Variants in APBB1IP observed in about 807,000 individuals in gnomAD.
APBB1IP encodes amyloid beta precursor protein binding family B member 1 interacting protein.
In APBB1IP, 27 loss-of-function variants were observed where a neutral mutation model predicts 64.9. The ratio of observed to expected loss-of-function variants is 0.42; its 90% confidence interval spans 0.31 to 0.57. The LOEUF (loss-of-function observed/expected upper bound fraction) is 0.57, where lower values mean the gene tolerates loss of function less well. Among genes scored for constraint, APBB1IP ranks in the 20% least tolerant of loss-of-function variants. APBB1IP has a pLI of 0.20. For missense variants in APBB1IP, 812 were observed against 845.5 expected, an observed-to-expected ratio of 0.96 and a Z score of 0.49; for synonymous variants, 392 against 331.0, an observed-to-expected ratio of 1.18 and a Z score of -2.00.
At chr10:26,466,637 C>CA (rs1327903760) in intron 2 of APBB1IP, among the ~76,000 whole-genome samples, 1 of 152,054 alleles carries the variant, frequency 6.6e-6, no homozygotes, top group Non-Finnish European at 1.5e-5. Context: ...CTCGGCCCCA[C>CA]AAAAAATTTA....
intron 2 of APBB1IP, among the ~76,000 whole-genome samples, chr10:26,470,624 C>A (rs1485490349): frequency 6.6e-6 from 1 of 152,150 alleles, no homozygotes; most frequent in African/African-American, 2.4e-5. Flanking sequence ...TTAAGTTAGG[C>A]TATACTAAGC....
At chr10:26,516,563 T>TAAAAAAAAAAAAAA (rs1198670517) in intron 8 of APBB1IP, among the ~76,000 whole-genome samples, 149 of 53,180 alleles carry the variant, frequency 2.8e-3, no homozygotes, top group East Asian at 9.5e-3. Context: ...AAAAAAAAAG[T>TAAAAAAAAAAAAAA]AAAGCGGAAA....
chr10:26,472,039 C>T (rs1835723440), intron 2 of APBB1IP, among the ~76,000 whole-genome samples: 1 of 152,132 alleles, frequency 6.6e-6, no homozygotes, highest in South Asian at 2.1e-4. Context: ...TTACTAACAG[C>T]TCTAATCCTC....
intron 3 of APBB1IP, among the ~76,000 whole-genome samples, chr10:26,494,106 T>C (rs1337089670): frequency 1.3e-5 from 2 of 152,190 alleles, no homozygotes; most frequent in Non-Finnish European, 2.9e-5. Context: ...TGCTACATTT[T>C]AAAGAACTAA....
At position 26,555,496 on chromosome 10, in the gene APBB1IP, A is replaced by T. The variant is rs190732359; in HGVS notation, c.1156-4609A>T. On this transcript the variant is annotated intron_variant, in intron 11 of 14. Transcript: ENST00000376236. ...ACATACTATTTCATAATCACATTAC[A>T]TATGTGATTTGATTACATCAGGTGT... Among the ~76,000 whole-genome samples the T allele has an allele frequency of 3.3e-5, 5 of 152,274 alleles. No homozygotes were observed. In the East Asian group the frequency reaches 9.6e-4, roughly 29 times the overall value.
chr10:26,450,850 C>T (rs1835457669), intron 2 of APBB1IP, among the ~76,000 whole-genome samples: 1 of 152,090 alleles, frequency 6.6e-6, no homozygotes, highest in South Asian at 2.1e-4. Flanking sequence ...CATGTGCCAC[C>T]ACAGCTGGTT....
intron 2 of APBB1IP, among the ~76,000 whole-genome samples, chr10:26,469,182 A>G (rs1377783065): frequency 1.3e-5 from 2 of 151,488 alleles, no homozygotes; most frequent in African/African-American, 4.8e-5. Context: ...TACATTGTAT[A>G]GCTGTACAAA....
intron 2 of APBB1IP, among the ~76,000 whole-genome samples, chr10:26,468,017 T>G (rs900989881): frequency 2.6e-5 from 4 of 152,218 alleles, no homozygotes; most frequent in African/African-American, 9.7e-5. Flanking sequence ...CACCCATTAT[T>G]TTATGGAATC....
chr10:26,512,998 T>C (rs1414002503), intron 7 of APBB1IP, among the ~76,000 whole-genome samples: 1 of 152,236 alleles, frequency 6.6e-6, no homozygotes, highest in Non-Finnish European at 1.5e-5. Context: ...GAGTGATGTT[T>C]TAGAGTACAC....
intron 8 of APBB1IP, among the ~76,000 whole-genome samples, chr10:26,514,540 G>A (rs1022999266): frequency 5.9e-5 from 9 of 152,150 alleles, no homozygotes; most frequent in Non-Finnish European, 1.0e-4. Flanking sequence ...GTACAAGCAT[G>A]TCCAGGATTT....
intron 2 of APBB1IP, among the ~76,000 whole-genome samples, chr10:26,455,296 G>A (rs955355497): frequency 7.2e-5 from 11 of 152,180 alleles, no homozygotes; most frequent in African/African-American, 1.9e-4. Flanking sequence ...TTGGGAGGCC[G>A]AGGCGGGCGG....
At chr10:26,491,072 A>T (rs1052989519) in intron 2 of APBB1IP, among the ~76,000 whole-genome samples, 2 of 152,118 alleles carry the variant, frequency 1.3e-5, no homozygotes, top group Non-Finnish European at 2.9e-5. Flanking sequence ...TGAGGTCAGG[A>T]GTTTGAGACC....
intron 2 of APBB1IP, among the ~76,000 whole-genome samples, chr10:26,469,579 T>C (rs1488047097): frequency 6.6e-6 from 1 of 152,164 alleles, no homozygotes; most frequent in Non-Finnish European, 1.5e-5. Context: ...TTTTAATTCT[T>C]TTTTTAACTT....
At chr10:26,472,213 A>G (rs1043519430) in intron 2 of APBB1IP, among the ~76,000 whole-genome samples, 1 of 152,236 alleles carries the variant, frequency 6.6e-6, no homozygotes, top group Non-Finnish European at 1.5e-5. Context: ...ACATGAAAAC[A>G]TCTGGCTCAG....
intron 3 of APBB1IP, among the ~76,000 whole-genome samples, chr10:26,493,268 A>G (rs1835979899): frequency 1.3e-5 from 2 of 152,172 alleles, no homozygotes; most frequent in Non-Finnish European, 2.9e-5. Flanking sequence ...ATGATTTACG[A>G]ACAATTTGTG....
intron 6 of APBB1IP, among the ~76,000 whole-genome samples, chr10:26,503,954 G>T (rs141471041): frequency 1.3e-5 from 2 of 152,310 alleles, no homozygotes; most frequent in African/African-American, 4.8e-5. Context: ...GGCCCTTTCA[G>T]CTCTATCTTA....
At chr10:26,480,884 C>A (rs1388558371) in intron 2 of APBB1IP, among the ~76,000 whole-genome samples, 3 of 152,056 alleles carry the variant, frequency 2.0e-5, no homozygotes, top group Non-Finnish European at 4.4e-5. Context: ...TAACTATTCA[C>A]AGGACTTTTG....
intron 11 of APBB1IP, among the ~76,000 whole-genome samples, chr10:26,547,046 C>A (rs1313697969): frequency 6.6e-6 from 1 of 152,192 alleles, no homozygotes; most frequent in African/African-American, 2.4e-5. Flanking sequence ...TTTCCACATC[C>A]TTGTCAGCAT....
chr10:26,549,183 T>C (rs1836801915), intron 11 of APBB1IP, among the ~76,000 whole-genome samples: 3 of 152,242 alleles, frequency 2.0e-5, no homozygotes, highest in Admixed American at 2.0e-4. Flanking sequence ...TCCCACTTGA[T>C]CATGATGAAT....
Sources: allele counts gnomAD v4.1 joint callset (sites outside exome capture counted in the v4.1 genomes callset), GRCh38; gene constraint gnomAD v4.1.1; transcripts MANE v1.5; gene names NCBI Gene and HGNC (gene_info 2026-07-23, HGNC 2026-07-21).